Variants in SLC22A23 observed in about 807,000 individuals in gnomAD.
SLC22A23 encodes solute carrier family 22 member 23.
A neutral mutation model predicts 61.0 loss-of-function variants in SLC22A23; 26 were observed. The observed-to-expected ratio is 0.43, with a 90% CI of 0.31 to 0.59. The LOEUF (loss-of-function observed/expected upper bound fraction) is 0.59. SLC22A23 is among the 20% of genes least tolerant of loss of function. The pLI, the probability that SLC22A23 is intolerant of heterozygous loss-of-function variation, is 0.11. For missense variants in SLC22A23, 796 were observed against 934.7 expected (o/e 0.85, Z 1.94); for synonymous variants, 430 against 413.9 (o/e 1.04, Z -0.47).
chr6:3,384,445 A>T (rs1412570715), intron 3 of SLC22A23, among the ~76,000 whole-genome samples: 1 of 152,210 alleles, frequency 6.6e-6, no homozygotes, highest in Non-Finnish European at 1.5e-5. Context: ...AAATCACTTA[A>T]AAAACACATT....
chr6:3,402,176 C>T (rs1160662225), intron 3 of SLC22A23, among the ~76,000 whole-genome samples: 1 of 152,214 alleles, frequency 6.6e-6, no homozygotes, highest in African/African-American at 2.4e-5. Flanking sequence ...GGCCCTCATT[C>T]GGGCTCTTCT....
chr6:3,415,107 G>C (rs1461861230), intron 2 of SLC22A23, among the ~76,000 whole-genome samples: 1 of 152,306 alleles, frequency 6.6e-6, no homozygotes, highest in East Asian at 1.9e-4. Flanking sequence ...GAACTACTTA[G>C]CACAGTGCCT....
intron 9 of SLC22A23, chr6:3,283,490 C>CCG (rs1420739975): frequency 3.2e-6 from 1 of 313,892 alleles, no homozygotes; most frequent in Non-Finnish European, 6.3e-6. Context: ...ACTAGCTGTG[C>CCG]CGTGAGGTCT....
At position 3,314,360 on chromosome 6, in the gene SLC22A23, C is replaced by T. The variant is rs184059358; in HGVS notation, c.1082+9474G>A. Among the ~76,000 whole-genome samples the T allele has an allele frequency of 1.4e-3, 213 of 152,304 alleles. 1 individual carries two copies. The highest frequency in any genetic ancestry group is 5.0e-3 in the African/African-American group (206 of 41,574). ...ACTGGGCTGAGCAGGAGGTGGTAGT[C>T]CCTGTGGCTCTGGAGTCCACCTGCT... On this transcript the variant is annotated intron_variant, in intron 4 of 9. Transcript: ENST00000406686.
intron 3 of SLC22A23, among the ~76,000 whole-genome samples, chr6:3,385,776 G>A (rs1156929076): frequency 1.3e-5 from 2 of 152,292 alleles, no homozygotes; most frequent in East Asian, 3.9e-4. Context: ...AAACACATGT[G>A]CCTGCAACTG....
At chr6:3,423,158 T>C (rs897135780) in intron 1 of SLC22A23, among the ~76,000 whole-genome samples, 1 of 152,214 alleles carries the variant, frequency 6.6e-6, no homozygotes, top group African/African-American at 2.4e-5. Flanking sequence ...GGGGCTTTCC[T>C]GGTTCTCACT....
rs1023932243 is a variant in SLC22A23 at position 3,427,408 on chromosome 6, C to A, written c.655-11553G>T. Reference sequence around the variant, plus strand: ...TAGAGTCTGAGCTATTCATTTTAGCCTCACCCCTAACTGACCCAAATTAAG... The same window carrying A: ...TAGAGTCTGAGCTATTCATTTTAGCATCACCCCTAACTGACCCAAATTAAG... On this transcript the variant is annotated intron_variant, in intron 1 of 9. Coordinates refer to ENST00000406686, the MANE Select transcript of SLC22A23 (RefSeq NM_015482.2). The surrounding 1 kb of genome is among the most constrained non-coding windows in gnomAD (Gnocchi z 4.3). 1.3e-5 allele frequency among the ~76,000 whole-genome samples: 2 copies of A among 151,696 alleles called. No individual in the cohort carries two copies. The highest frequency in any genetic ancestry group is 6.5e-5 in the Admixed American group (1 of 15,268).
In SLC22A23 at chr6:3,322,654, C is replaced by T. The variant is rs1047761788; in HGVS notation, c.1082+1180G>A. Among the ~76,000 whole-genome samples the T allele has an allele frequency of 1.3e-5, 2 of 152,180 alleles. No homozygotes were observed. The highest frequency in any genetic ancestry group is 1.3e-4 in the Admixed American group (2 of 15,282). On this transcript the variant is annotated intron_variant, in intron 4 of 9. Transcript: ENST00000406686. This position sits in a 1 kb window ranked among gnomAD's most constrained non-coding sequence, Gnocchi z 4.1. ...GTCCTCATAACACAGTGAGCAAGAA[C>T]CAGGCTCTCGGGGAAACCGCACCTG...
In SLC22A23 at chr6:3,272,496, CAAACAG is replaced by C. The variant is rs1282068056; in HGVS notation, c.*553_*558del. On this transcript the variant is annotated 3_prime_UTR_variant, in exon 10 of 10. Transcript: ENST00000406686. ...CACACGAACAGAAGCTCTTACCTTA[CAAACAG>C]AAAGGGAAAAAGGACCTTAAAAAAC... 2 of 152,700 alleles carry C rather than the reference CAAACAG, an allele frequency of 1.3e-5. No individual in the cohort carries two copies. Among genetic ancestry groups the C allele is most frequent in the African/African-American group, 4.8e-5 (2 of 41,452 alleles). The allele number at this position is 152,700 out of a possible 1,614,324, so 9.5% of individuals were successfully genotyped here.
Position 3,273,348 on chromosome 6 carries a change from C to T in SLC22A23, c.1768G>A (p.Glu590Lys), listed in dbSNP as rs1758601743. The stretch of plus-strand genomic sequence containing the variant: ...AAGTAGCCTTTCTGGTTGTGCAGCT[C>T]GATGATGGGTGCCGTCAGCATGCCG... ...GFGMLTAPII[E>K]LHNQKGYFLH... Residue 590 changes from glutamate (E) to lysine (K), a missense_variant, in exon 10 of 10, where the codon GAG becomes AAG. Coordinates refer to ENST00000406686, the MANE Select transcript of SLC22A23 (RefSeq NM_015482.2). 3.1e-6 allele frequency: 5 copies of T among 1,613,736 alleles called. No individual in the cohort carries two copies. The highest frequency in any genetic ancestry group is 4.2e-6 in the Non-Finnish European group (5 of 1,179,996).
chr6:3,327,197 T>C lies in SLC22A23; in HGVS notation c.914-3195A>G, dbSNP rs1481348925. ...TCGCCTGGCCAGGGGCCACTGGCCT[T>C]GGGCTTGAAAGGCAGGGAATGATGT... is the stretch of plus-strand genomic sequence containing the variant. On this transcript the variant is annotated intron_variant, in intron 3 of 9. Transcript: ENST00000406686. The surrounding 1 kb of genome is among the most constrained non-coding windows in gnomAD (Gnocchi z 4.1). Among the ~76,000 whole-genome samples, 2 of 152,226 alleles carry C rather than the reference T, an allele frequency of 1.3e-5. No homozygotes were observed. The highest frequency in any genetic ancestry group is 3.9e-4 in the East Asian group (2 of 5,188).
At chr6:3,367,451 T>G (rs770659502) in intron 3 of SLC22A23, among the ~76,000 whole-genome samples, 9 of 152,218 alleles carry the variant, frequency 5.9e-5, no homozygotes, top group Non-Finnish European at 1.2e-4. Flanking sequence ...ACAGGGTTGT[T>G]CTCCCATTGC....
At chr6:3,311,378 GAGTATTATGAGATTCTGA>G (rs1762359135) in intron 4 of SLC22A23, among the ~76,000 whole-genome samples, 1 of 152,200 alleles carries the variant, frequency 6.6e-6, no homozygotes, top group Non-Finnish European at 1.5e-5. Context: ...CCACGTATCA[GAGTATTATGAGATTCTGA>G]AGAGATTCTA....
At chr6:3,300,687 A>C (rs1761536284) in intron 4 of SLC22A23, among the ~76,000 whole-genome samples, 1 of 152,248 alleles carries the variant, frequency 6.6e-6, no homozygotes, top group Non-Finnish European at 1.5e-5. Flanking sequence ...TTTTTATTTC[A>C]AAGTCACATC....
At chr6:3,450,459 A>G (rs927607303) in intron 1 of SLC22A23, among the ~76,000 whole-genome samples, 8 of 152,148 alleles carry the variant, frequency 5.3e-5, no homozygotes, top group African/African-American at 1.4e-4. Context: ...GACGTAAACC[A>G]CCATGCCCGG....
chr6:3,272,062 C>G lies in SLC22A23; in HGVS notation c.*993G>C, dbSNP rs1173898101. 4 of 152,494 alleles carry G rather than the reference C, an allele frequency of 2.6e-5. No homozygotes were observed. The highest frequency in any genetic ancestry group is 5.9e-5 in the Non-Finnish European group (4 of 68,138). The allele number at this position is 152,494 out of a possible 1,614,324, so 9.4% of individuals were successfully genotyped here. Reference sequence around the variant, plus strand: ...GGTGACGGCCATCCAAGCTGGTGATCTTCATGGTGTGTGCTCAAGGTGTGG... The same window carrying G: ...GGTGACGGCCATCCAAGCTGGTGATGTTCATGGTGTGTGCTCAAGGTGTGG... On this transcript the variant is annotated 3_prime_UTR_variant, in exon 10 of 10. Coordinates refer to ENST00000406686, the MANE Select transcript of SLC22A23 (RefSeq NM_015482.2).
chr6:3,408,588 A>G (rs1311408887), intron 3 of SLC22A23, among the ~76,000 whole-genome samples: 1 of 152,126 alleles, frequency 6.6e-6, no homozygotes, highest in Non-Finnish European at 1.5e-5. Flanking sequence ...CTGAGCCCCA[A>G]AGTCTCCTCA....
intron 1 of SLC22A23, among the ~76,000 whole-genome samples, 186 bp downstream of exon 1, chr6:3,455,720 G>A (rs945115342): frequency 1.3e-5 from 2 of 152,232 alleles, no homozygotes; most frequent in Admixed American, 6.5e-5. Flanking sequence ...TAAAGGCTAT[G>A]GTGCTCCCTT....
intron 1 of SLC22A23, among the ~76,000 whole-genome samples, chr6:3,444,279 A>C (rs1474303101): frequency 6.6e-6 from 1 of 152,188 alleles, no homozygotes; most frequent in Non-Finnish European, 1.5e-5. Flanking sequence ...AAAGAACAAA[A>C]CAACTAAACC....
Sources: allele counts gnomAD v4.1 joint callset (sites outside exome capture counted in the v4.1 genomes callset), GRCh38; gene constraint gnomAD v4.1.1; non-coding constraint Gnocchi (gnomAD v3.1); transcripts MANE v1.5; gene names NCBI Gene and HGNC (gene_info 2026-07-23, HGNC 2026-07-21).